SPOCK1: variants seen among roughly 807,000 people sequenced by gnomAD.
SPOCK1 encodes the protein SPARC (osteonectin), cwcv and kazal like domains proteoglycan 1.
In SPOCK1, 23 loss-of-function variants were observed where a neutral mutation model predicts 55.3. That is an observed-to-expected ratio of 0.42 (90% CI 0.30 to 0.59). The LOEUF is 0.59. Ranked by LOEUF, SPOCK1 falls within the 20% of genes least tolerant of loss-of-function variation. SPOCK1 has a pLI of 0.22. For synonymous variants in SPOCK1, 226 were observed against 221.0 expected (o/e 1.02, Z -0.20); for missense variants, 499 against 552.5 (o/e 0.90, Z 0.97).
chr5:137,041,109 A>T (rs1291329333), intron 6 of SPOCK1, among the ~76,000 whole-genome samples: 1 of 152,256 alleles, frequency 6.6e-6, no homozygotes, highest in African/African-American at 2.4e-5. Context: ...GACTTACTAT[A>T]AGGTTACAAT....
At chr5:137,430,318 C>A (rs894334326) in intron 2 of SPOCK1, among the ~76,000 whole-genome samples, 6 of 152,222 alleles carry the variant, frequency 3.9e-5, no homozygotes, top group Non-Finnish European at 7.3e-5. Context: ...GGCAAAAAGA[C>A]TATCCATCAC....
chr5:137,064,380 C>T (rs1024405697), intron 6 of SPOCK1, among the ~76,000 whole-genome samples: 5 of 151,952 alleles, frequency 3.3e-5, no homozygotes, highest in South Asian at 2.1e-4. Context: ...TGTATGTGTG[C>T]GTGTGTGTGC....
intron 3 of SPOCK1, among the ~76,000 whole-genome samples, chr5:137,177,966 C>T (rs1400468938): frequency 6.6e-6 from 1 of 152,136 alleles, no homozygotes; most frequent in Non-Finnish European, 1.5e-5. Context: ...AATGGAAGGA[C>T]CTCAAGGACC....
intron 2 of SPOCK1, among the ~76,000 whole-genome samples, chr5:137,297,868 C>T (rs1757518305): frequency 6.6e-6 from 1 of 151,996 alleles, no homozygotes; most frequent in Admixed American, 6.6e-5. Context: ...AAGTACAAAT[C>T]GGGTAGGAAT....
chr5:137,009,972 CCTT>C (rs1223312216), intron 6 of SPOCK1, among the ~76,000 whole-genome samples: 4 of 152,126 alleles, frequency 2.6e-5, no homozygotes, highest in African/African-American at 9.7e-5. Flanking sequence ...TCAGAATCCT[CCTT>C]CCTGAAGAAT....
At chr5:137,264,611 A>G (rs1176195746) in intron 3 of SPOCK1, among the ~76,000 whole-genome samples, 1 of 152,092 alleles carries the variant, frequency 6.6e-6, no homozygotes, top group African/African-American at 2.4e-5. Flanking sequence ...CCACAAACCC[A>G]TTTTAACTAT....
intron 2 of SPOCK1, among the ~76,000 whole-genome samples, chr5:137,400,683 G>T (rs750364472): frequency 7.9e-5 from 12 of 152,166 alleles, no homozygotes; most frequent in Non-Finnish European, 1.3e-4. Context: ...CCATCAAATG[G>T]TCCTTGCAGG....
intron 4 of SPOCK1, among the ~76,000 whole-genome samples, chr5:137,118,917 G>C (rs1466297616): frequency 6.6e-6 from 1 of 152,200 alleles, no homozygotes; most frequent in African/African-American, 2.4e-5. Flanking sequence ...CAGTCAACTT[G>C]TTTCGTGTGG....
intron 2 of SPOCK1, among the ~76,000 whole-genome samples, chr5:137,347,600 T>C (rs533426447): frequency 1.3e-5 from 2 of 152,170 alleles, no homozygotes; most frequent in Admixed American, 1.3e-4. Context: ...ACGGGCCTGT[T>C]AGCTACTTGG....
intron 2 of SPOCK1, among the ~76,000 whole-genome samples, chr5:137,416,363 G>C (rs1752327831): frequency 6.6e-6 from 1 of 151,902 alleles, no homozygotes; most frequent in Non-Finnish European, 1.5e-5. Context: ...TCTACACAAA[G>C]ATATAAAGAA....
chr5:137,255,648 T>C (rs1756618036), intron 3 of SPOCK1, among the ~76,000 whole-genome samples: 1 of 152,060 alleles, frequency 6.6e-6, no homozygotes, highest in South Asian at 2.1e-4. Flanking sequence ...GCAGGGAAAG[T>C]GAGCATTCAT....
intron 2 of SPOCK1, among the ~76,000 whole-genome samples, chr5:137,282,576 G>T (rs1400590316): frequency 6.6e-6 from 1 of 152,214 alleles, no homozygotes; most frequent in South Asian, 2.1e-4. Flanking sequence ...TCATAATAAG[G>T]TGATAAAGCA....
chr5:137,400,137 T>C (rs1751944654), intron 2 of SPOCK1, among the ~76,000 whole-genome samples: 1 of 152,218 alleles, frequency 6.6e-6, no homozygotes, highest in Non-Finnish European at 1.5e-5. Flanking sequence ...TTCTTGCCCC[T>C]CTGCAGTCAG....
At chr5:137,253,712 T>C (rs1462446653) in intron 3 of SPOCK1, among the ~76,000 whole-genome samples, 1 of 152,202 alleles carries the variant, frequency 6.6e-6, no homozygotes, top group Non-Finnish European at 1.5e-5. Context: ...GATATGAAAA[T>C]GCCATACTTG....
chr5:137,348,529 G>A (rs1750609994), intron 2 of SPOCK1, among the ~76,000 whole-genome samples: 1 of 152,100 alleles, frequency 6.6e-6, no homozygotes, highest in Non-Finnish European at 1.5e-5. Context: ...AGTTATTAAT[G>A]TGAAAGATTT....
At chr5:137,023,678 G>A (rs986761879) in intron 6 of SPOCK1, among the ~76,000 whole-genome samples, 2 of 152,124 alleles carry the variant, frequency 1.3e-5, no homozygotes, top group Non-Finnish European at 1.5e-5. Flanking sequence ...TCTGCAATGC[G>A]ATGCCCAGAC....
In SPOCK1 at chr5:137,112,569, T is replaced by C; in HGVS notation, c.348-8A>G. The stretch of plus-strand genomic sequence containing the variant: ...ACGTTCCCCTTCTTTTGCCTAAAGA[T>C]GAGAAAAAAGGGGATAAATTAGTTG... On this transcript the variant is annotated splice_polypyrimidine_tract_variant and splice_region_variant and intron_variant, in intron 4 of 10. Coordinates refer to ENST00000394945, the MANE Select transcript of SPOCK1 (RefSeq NM_004598.4). 6.2e-7 allele frequency: 1 copy of C among 1,606,952 alleles called. No homozygotes were observed. The highest frequency in any genetic ancestry group is 8.5e-7 in the Non-Finnish European group (1 of 1,178,190).
chr5:137,176,546 A>G (rs949180389), intron 3 of SPOCK1, among the ~76,000 whole-genome samples: 7 of 149,176 alleles, frequency 4.7e-5, no homozygotes, highest in African/African-American at 1.8e-4. Context: ...ATGTGTATAT[A>G]CACACGTATG....
At chr5:137,233,081 C>T (rs1433719967) in intron 3 of SPOCK1, among the ~76,000 whole-genome samples, 1 of 152,166 alleles carries the variant, frequency 6.6e-6, no homozygotes, top group Non-Finnish European at 1.5e-5. Context: ...TCCTAAATAT[C>T]AGCAGTCCTC....
Sources: gnomAD v4.1 joint callset for allele counts (sites outside exome capture counted in the v4.1 genomes callset) on GRCh38, gnomAD v4.1.1 for gene constraint, MANE v1.5 for transcripts, NCBI Gene and HGNC (gene_info 2026-07-23, HGNC 2026-07-21) for gene names.